HMGA2: variants seen among roughly 807,000 people sequenced by gnomAD.
HMGA2 encodes high mobility group protein HMGI-C.
A neutral mutation model predicts 19.1 loss-of-function variants in HMGA2; 8 were observed. The observed-to-expected ratio is 0.42, with a 90% CI of 0.25 to 0.76. HMGA2 has a LOEUF of 0.76. HMGA2 is among the 30% of genes least tolerant of loss of function. HMGA2 has a pLI of 0.28. For missense variants in HMGA2, 109 were observed against 136.3 expected, an observed-to-expected ratio of 0.80 and a Z score of 1.00; for synonymous variants, 60 against 48.8, an observed-to-expected ratio of 1.23 and a Z score of -0.96.
chr12:65,929,677 T>C (rs1875636888), intron 3 of HMGA2, among the ~76,000 whole-genome samples: 1 of 152,036 alleles, frequency 6.6e-6, no homozygotes, highest in African/African-American at 2.4e-5. Flanking sequence ...TGACAAAACC[T>C]TACACCAACT....
At chr12:65,947,198 C>T (rs1876298275) in intron 3 of HMGA2, among the ~76,000 whole-genome samples, 1 of 152,004 alleles carries the variant, frequency 6.6e-6, no homozygotes, top group Non-Finnish European at 1.5e-5. Context: ...TAGCTTACTG[C>T]AGCCATAACC....
chr12:65,848,392 A>G (rs547193286), intron 3 of HMGA2, among the ~76,000 whole-genome samples: 1 of 152,310 alleles, frequency 6.6e-6, no homozygotes, highest in African/African-American at 2.4e-5. Flanking sequence ...TAAAAAGTCA[A>G]TTACTCTATT....
chr12:65,959,972 C>T (rs1233467788), intron 4 of HMGA2, among the ~76,000 whole-genome samples: 1 of 152,194 alleles, frequency 6.6e-6, no homozygotes, highest in Non-Finnish European at 1.5e-5. Flanking sequence ...TCACTGCAAG[C>T]TCTGCTTCCT....
At chr12:65,962,521 T>A (rs933439651) in intron 4 of HMGA2, among the ~76,000 whole-genome samples, 2 of 152,186 alleles carry the variant, frequency 1.3e-5, no homozygotes, top group Non-Finnish European at 2.9e-5. Flanking sequence ...CTTGGGTCAC[T>A]GTCTCAAAAT....
Position 65,825,029 on chromosome 12 carries a change from G to A in HMGA2, c.-242G>A. On this transcript the variant is annotated 5_prime_UTR_variant, in exon 1 of 5. Transcript: ENST00000403681. The surrounding 1 kb of genome is among the most constrained non-coding windows in gnomAD (Gnocchi z 4.4). Reference sequence around the variant, plus strand: ...CCCACCCACCGCCGCCGCCGCCACCGGCAGCGCCTCCTCCTCTCCTCCTCC... The same window carrying A: ...CCCACCCACCGCCGCCGCCGCCACCAGCAGCGCCTCCTCCTCTCCTCCTCC... 1 of 423,742 alleles carries A rather than the reference G, an allele frequency of 2.4e-6. No homozygotes were observed. The highest frequency in any genetic ancestry group is 4.2e-6 in the Non-Finnish European group (1 of 238,296). 26.2% of individuals were successfully genotyped at this position (423,742 alleles called of 1,614,324 possible).
Position 65,825,575 on chromosome 12 carries a change from CGGGGAGGTGGGG to C in HMGA2, c.111+195_111+206del, listed in dbSNP as rs1870120581. On this transcript the variant is annotated intron_variant, in intron 1 of 4. Transcript: ENST00000403681. This position sits in a 1 kb window ranked among gnomAD's most constrained non-coding sequence, Gnocchi z 4.4. ...CCCGGGGCGCCAGCAACCCTCCGGG[CGGGGAGGTGGGG>C]AGCCGCGGCGGGCGGCCCGGGGAAG... 6.6e-6 allele frequency among the ~76,000 whole-genome samples: 1 copy of C among 150,832 alleles called. No homozygotes were observed. The highest frequency in any genetic ancestry group is 1.5e-5 in the Non-Finnish European group (1 of 67,646).
Position 65,963,552 on chromosome 12 carries a change from A to ATT in HMGA2, c.*260_*261insTT, listed in dbSNP as rs1876818229. ...GCTGTAAACACAGGGGACACAGCTT[A>ATT]ACAATGCAACTTTTAATTACTGTTT... On this transcript the variant is annotated 3_prime_UTR_variant, in exon 5 of 5. Coordinates refer to ENST00000403681, the MANE Select transcript of HMGA2 (RefSeq NM_003483.6). 1 of 515,116 alleles carries ATT rather than the reference A, an allele frequency of 1.9e-6. No individual in the cohort carries two copies. Among genetic ancestry groups the ATT allele is most frequent in the South Asian group, 2.6e-5 (1 of 38,592 alleles). 31.9% of individuals were successfully genotyped at this position (515,116 alleles called of 1,614,324 possible). A position where few individuals can be genotyped will look rare whatever the true frequency, so the allele number is the denominator to read the frequency against.
At chr12:65,895,623 TGTTA>T (rs1464854789) in intron 3 of HMGA2, among the ~76,000 whole-genome samples, 1 of 152,208 alleles carries the variant, frequency 6.6e-6, no homozygotes, top group Non-Finnish European at 1.5e-5. Context: ...ATTTGCCATA[TGTTA>T]GTTAGGGGGT....
rs762355824 is a variant in HMGA2 at position 65,915,715 on chromosome 12, C to T, written c.250-35668C>T. On this transcript the variant is annotated intron_variant, in intron 3 of 4. Coordinates refer to ENST00000403681, the MANE Select transcript of HMGA2 (RefSeq NM_003483.6). ...CTTTGGATGCACCTTTGAATACCTA[C>T]CTTGACTTACATTTTTTTGTTTTGT... Among the ~76,000 whole-genome samples, 24 of 152,172 alleles carry T rather than the reference C, an allele frequency of 1.6e-4. 1 individual carries two copies. Among genetic ancestry groups the T allele is most frequent in the Admixed American group, 5.2e-4 (8 of 15,276 alleles).
At chr12:65,899,319 T>C (rs775371163) in intron 3 of HMGA2, among the ~76,000 whole-genome samples, 7 of 152,244 alleles carry the variant, frequency 4.6e-5, no homozygotes, top group Non-Finnish European at 5.9e-5. Context: ...CCAATGTTTA[T>C]TTATTCTCTA....
chr12:65,881,630 G>A (rs532542625), intron 3 of HMGA2: 2 of 614,786 alleles, frequency 3.3e-6, no homozygotes, highest in South Asian at 1.9e-5. Context: ...GAGCGAAGGA[G>A]GGAGGGAGGG....
intron 3 of HMGA2, among the ~76,000 whole-genome samples, chr12:65,898,223 C>A (rs749466222): frequency 6.6e-6 from 1 of 152,132 alleles, no homozygotes; most frequent in African/African-American, 2.4e-5. Context: ...TATCCAGGTG[C>A]TGTAAGTCGG....
intron 3 of HMGA2, chr12:65,842,824 C>A (rs1871059618): frequency 7.4e-7 from 1 of 1,356,822 alleles, no homozygotes; most frequent in Non-Finnish European, 9.5e-7. Context: ...GAGCTCGTCA[C>A]ATACCTAGTT....
intron 3 of HMGA2, among the ~76,000 whole-genome samples, chr12:65,841,048 A>G (rs985064483): frequency 5.9e-5 from 9 of 152,162 alleles, no homozygotes; most frequent in African/African-American, 1.9e-4. Flanking sequence ...GAAGTCATTC[A>G]GTTTACATCT....
chr12:65,886,505 G>A (rs1462000607), intron 3 of HMGA2, among the ~76,000 whole-genome samples: 4 of 151,768 alleles, frequency 2.6e-5, no homozygotes, highest in Admixed American at 6.6e-5. Context: ...GACTACAGGC[G>A]TCCTCCCCAT....
At chr12:65,880,976 G>T (rs1330654531) in intron 3 of HMGA2, among the ~76,000 whole-genome samples, 1 of 152,134 alleles carries the variant, frequency 6.6e-6, no homozygotes, top group Non-Finnish European at 1.5e-5. Flanking sequence ...TTGAAATAAT[G>T]CCTGTAGGGA....
intron 3 of HMGA2, among the ~76,000 whole-genome samples, chr12:65,852,806 G>A (rs1020515571): frequency 2.0e-5 from 3 of 152,206 alleles, no homozygotes; most frequent in African/African-American, 7.2e-5. Context: ...GGTTAAGAGA[G>A]TGCCACATGA....
chr12:65,905,198 A>T (rs1874538016), intron 3 of HMGA2, among the ~76,000 whole-genome samples: 2 of 152,108 alleles, frequency 1.3e-5, no homozygotes, highest in Non-Finnish European at 2.9e-5. Flanking sequence ...ACACACACAC[A>T]CACACACATA....
chr12:65,954,167 T>C (rs1876541366), intron 4 of HMGA2: 1 of 152,198 alleles, frequency 6.6e-6, no homozygotes, highest in Non-Finnish European at 1.5e-5. Flanking sequence ...CCCAAGAACA[T>C]TACAAGAGAT....
Sources: gnomAD v4.1 joint callset for allele counts (sites outside exome capture counted in the v4.1 genomes callset) on GRCh38, gnomAD v4.1.1 for gene constraint, Gnocchi (gnomAD v3.1) non-coding constraint, MANE v1.5 for transcripts, NCBI Gene and HGNC (gene_info 2026-07-23, HGNC 2026-07-21) for gene names.